The following EIF4G3 variants were observed in gnomAD, a reference collection of about 807,000 sequenced individuals.
The protein encoded by EIF4G3 is eukaryotic translation initiation factor 4 gamma 3, also known as eIF-4-gamma 3.
In EIF4G3, 34 loss-of-function variants were observed where a neutral mutation model predicts 186.4. The observed-to-expected ratio is 0.18, with a 90% CI of 0.14 to 0.24. The LOEUF (loss-of-function observed/expected upper bound fraction) is 0.24, where lower values mean the gene tolerates loss of function less well. EIF4G3 is among the 10% of genes least tolerant of loss of function. The pLI is 1.00. For synonymous variants in EIF4G3, 673 were observed against 679.5 expected, an observed-to-expected ratio of 0.99 and a Z score of 0.15; for missense variants, 1,536 against 1,948.5, an observed-to-expected ratio of 0.79 and a Z score of 3.99.
At position 20,879,365 on chromosome 1, in the gene EIF4G3, A is replaced by G; in HGVS notation, c.2580T>C (p.Ser860=). 1 of 1,606,296 alleles carries G rather than the reference A, an allele frequency of 6.2e-7. No individual in the cohort carries two copies. The highest frequency in any genetic ancestry group is 8.5e-7 in the Non-Finnish European group (1 of 1,176,280). The change falls in exon 20 of 37, where the codon AGT becomes AGC. Residue 860 remains serine, a synonymous_variant. Coordinates refer to ENST00000602326, the MANE Select transcript of EIF4G3 (RefSeq NM_001391906.1). ...ACATGTTTGCGTAAGCCACAGAGAA[A>G]CTGGGTTCATCAATAGCCTTCTCAA... ...LVFEKAIDEP[S]FSVAYANMCR...
intron 7 of EIF4G3, among the ~76,000 whole-genome samples, chr1:20,987,611 G>A (rs182471167): frequency 1.2e-3 from 175 of 152,172 alleles, no homozygotes; most frequent in Admixed American, 3.6e-3. Flanking sequence ...AACTGGGAGC[G>A]CCATGAACTG....
chr1:21,158,522 G>C (rs1256436406), intron 2 of EIF4G3, among the ~76,000 whole-genome samples: 1 of 152,074 alleles, frequency 6.6e-6, no homozygotes, highest in Non-Finnish European at 1.5e-5. Flanking sequence ...AAGTGCTTAT[G>C]AACTGTAACT....
chr1:21,129,493 C>T (rs550174704), intron 2 of EIF4G3, among the ~76,000 whole-genome samples: 88 of 151,038 alleles, frequency 5.8e-4, no homozygotes, highest in Non-Finnish European at 9.6e-4. Context: ...CTCACAGTTG[C>T]TCATAAGAAA....
chr1:21,022,645 T>C (rs976442166), intron 4 of EIF4G3, among the ~76,000 whole-genome samples: 4 of 152,228 alleles, frequency 2.6e-5, no homozygotes, highest in African/African-American at 7.2e-5. Flanking sequence ...TTCTATTATG[T>C]TCTAATATTC....
At chr1:20,879,752 G>T (rs2081795296) in intron 19 of EIF4G3, among the ~76,000 whole-genome samples, 1 of 152,094 alleles carries the variant, frequency 6.6e-6, no homozygotes, top group South Asian at 2.1e-4. Context: ...ACACTTAGCT[G>T]GTGGGAGCAT....
At chr1:21,108,009 G>A (rs1006007402) in intron 2 of EIF4G3, among the ~76,000 whole-genome samples, 1 of 152,286 alleles carries the variant, frequency 6.6e-6, no homozygotes, top group African/African-American at 2.4e-5. Context: ...TTAGCCAGGC[G>A]CAGTGGCGCA....
In EIF4G3 at chr1:21,093,964, G is replaced by A. The variant is rs183629388; in HGVS notation, c.-271-4751C>T. The stretch of plus-strand genomic sequence containing the variant: ...CACCAGGGCCTGTCATGGGGTGGGG[G>A]AAGGAGGGAGGGATAGCATTAGGAG... On this transcript the variant is annotated intron_variant, in intron 2 of 36. Transcript: ENST00000602326. 5.3e-3 allele frequency among the ~76,000 whole-genome samples: 806 copies of A among 152,196 alleles called. 9 individuals are homozygous for A. Among genetic ancestry groups the A allele is most frequent in the African/African-American group, 0.019 (780 of 41,530 alleles).
intron 18 of EIF4G3, among the ~76,000 whole-genome samples, chr1:20,891,055 A>G (rs956661948): frequency 4.6e-5 from 7 of 152,242 alleles, no homozygotes; most frequent in Non-Finnish European, 1.0e-4. Context: ...TTCTAGTCAC[A>G]TTACTTTGAG....
chr1:20,849,368 T>C (rs762824750), intron 29 of EIF4G3, 47 bp downstream of exon 29: 1 of 1,069,224 alleles, frequency 9.4e-7, no homozygotes, highest in South Asian at 1.7e-5. Flanking sequence ...TATTCTATAC[T>C]ATCAAAGGAC....
intron 2 of EIF4G3, among the ~76,000 whole-genome samples, chr1:21,153,553 C>CT (rs541734462): frequency 8.6e-5 from 13 of 152,030 alleles, no homozygotes; most frequent in East Asian, 3.9e-4. Flanking sequence ...TGAGATGCAG[C>CT]TTTTTTTTGT....
At chr1:20,940,329 C>T (rs982972549) in intron 14 of EIF4G3, among the ~76,000 whole-genome samples, 3 of 152,104 alleles carry the variant, frequency 2.0e-5, no homozygotes, top group Admixed American at 6.6e-5. Context: ...CTCACTGTTC[C>T]AATTGCCTTG....
chr1:20,816,392 C>T (rs1455070335), intron 34 of EIF4G3, among the ~76,000 whole-genome samples: 3 of 120,476 alleles, frequency 2.5e-5, no homozygotes, highest in Admixed American at 7.7e-5. Context: ...CCCGCCCGGC[C>T]GGCCGCCCCG....
At chr1:20,948,577 T>TA (rs1241435299) in intron 13 of EIF4G3, among the ~76,000 whole-genome samples, 6 of 152,176 alleles carry the variant, frequency 3.9e-5, no homozygotes, top group African/African-American at 1.4e-4. Flanking sequence ...TTGTTTGATG[T>TA]AAAAATCAAT....
intron 7 of EIF4G3, among the ~76,000 whole-genome samples, chr1:20,984,573 C>T (rs1382441285): frequency 6.8e-6 from 1 of 147,194 alleles, no homozygotes; most frequent in Admixed American, 6.8e-5. Flanking sequence ...CACACACACA[C>T]ACACACACAC....
intron 2 of EIF4G3, among the ~76,000 whole-genome samples, chr1:21,142,043 A>G (rs769649588): frequency 2.6e-5 from 4 of 152,126 alleles, no homozygotes; most frequent in Non-Finnish European, 5.9e-5. Context: ...TGTGCCTATA[A>G]TCTCAGTCAT....
intron 33 of EIF4G3, among the ~76,000 whole-genome samples, chr1:20,818,309 T>A (rs1464375060): frequency 1.3e-5 from 2 of 152,184 alleles, no homozygotes. Flanking sequence ...GAAATGATGC[T>A]ATAATTGTTT....
chr1:20,850,871 C>T (rs562164592), intron 28 of EIF4G3, among the ~76,000 whole-genome samples: 7 of 152,276 alleles, frequency 4.6e-5, no homozygotes, highest in South Asian at 2.1e-4. Context: ...TAACCTAATA[C>T]CTTCTCTTTG....
At chr1:20,992,489 A>T (rs2081336955) in intron 7 of EIF4G3, among the ~76,000 whole-genome samples, 2 of 152,154 alleles carry the variant, frequency 1.3e-5, no homozygotes, top group African/African-American at 4.8e-5. Flanking sequence ...AACATGCACA[A>T]TTTCAACGCT....
chr1:20,807,486 A>T lies in EIF4G3; in HGVS notation c.4759T>A (p.Phe1587Ile). 1 of 1,589,056 alleles carries T rather than the reference A, an allele frequency of 6.3e-7. No homozygotes were observed. Among genetic ancestry groups the T allele is most frequent in the Non-Finnish European group, 8.6e-7 (1 of 1,163,318 alleles). The change falls in exon 37 of 37, where the codon TTT (phenylalanine) becomes ATT (isoleucine). Residue 1587 changes from phenylalanine to isoleucine, a missense_variant. Physicochemically the swap from Phe to Ile is conservative, Grantham distance 21. This residue lies in a region of EIF4G3 where 45 missense variants were observed against 99.1 expected (regional missense o/e 0.45). Coordinates refer to ENST00000602326, the MANE Select transcript of EIF4G3 (RefSeq NM_001391906.1). ...TCCTCGTCATATAGACAATCAAAAA[A>T]CATCCGCAGCAAATCTGCAAGGAGG... ...LDQPANLLRM[F>I]FDCLYDEEVI...
Sources: allele counts gnomAD v4.1 joint callset (sites outside exome capture counted in the v4.1 genomes callset), GRCh38; gene constraint gnomAD v4.1.1; regional missense constraint gnomAD v4.1.1; transcripts MANE v1.5; gene names NCBI Gene and HGNC (gene_info 2026-07-23, HGNC 2026-07-21).